The following BTBD9 variants were observed in gnomAD, a reference collection of about 807,000 sequenced individuals.
The protein encoded by BTBD9 is BTB/POZ domain-containing protein 9.
In BTBD9, 49 loss-of-function variants were observed where a neutral mutation model predicts 64.3. The observed-to-expected ratio is 0.76, with a 90% CI of 0.61 to 0.97. The LOEUF (loss-of-function observed/expected upper bound fraction) is 0.97. BTBD9 is among the 50% of genes least tolerant of loss of function. The pLI is 0.00. For synonymous variants in BTBD9, 260 were observed against 274.7 expected, an observed-to-expected ratio of 0.95 and a Z score of 0.53; for missense variants, 598 against 762.1, an observed-to-expected ratio of 0.78 and a Z score of 2.53.
At chr6:38,302,229 CCTCT>C (rs1762430127) in intron 7 of BTBD9, among the ~76,000 whole-genome samples, 2 of 151,974 alleles carry the variant, frequency 1.3e-5, no homozygotes, top group Non-Finnish European at 1.5e-5. Context: ...ACTTATTCCT[CCTCT>C]CTAACTGTAA....
intron 6 of BTBD9, among the ~76,000 whole-genome samples, chr6:38,513,811 A>G (rs1772887140): frequency 6.6e-6 from 1 of 152,170 alleles, no homozygotes; most frequent in South Asian, 2.1e-4. Context: ...TGTGCGTACC[A>G]GTGCAGTGTT....
At chr6:38,303,874 T>TATATATATAAAC in intron 7 of BTBD9, among the ~76,000 whole-genome samples, 1 of 82,648 alleles carries the variant, frequency 1.2e-5, no homozygotes, top group African/African-American at 4.8e-5. Context: ...TATATATATA[T>TATATATATAAAC]ACACACACAC....
intron 10 of BTBD9, among the ~76,000 whole-genome samples, chr6:38,177,164 A>G (rs931674041): frequency 1.3e-5 from 2 of 152,102 alleles, no homozygotes; most frequent in Admixed American, 6.5e-5. Context: ...TGCTCGGTCA[A>G]TATCTCCGGA....
intron 6 of BTBD9, among the ~76,000 whole-genome samples, chr6:38,528,558 A>G (rs1054522495): frequency 6.6e-6 from 1 of 152,148 alleles, no homozygotes; most frequent in Non-Finnish European, 1.5e-5. Context: ...AAGGAAGAGT[A>G]TTTTGTCTTA....
Position 38,496,806 on chromosome 6 carries a change from G to C in BTBD9, c.1154+80794C>G, listed in dbSNP as rs546140019. Among the ~76,000 whole-genome samples the C allele has an allele frequency of 2.0e-5, 3 of 152,290 alleles. No individual in the cohort carries two copies. In the South Asian group the frequency reaches 6.2e-4, roughly 32 times the overall value. On this transcript the variant is annotated intron_variant, in intron 6 of 10. Transcript: ENST00000481247. The stretch of plus-strand genomic sequence containing the variant: ...AAAATGCAAATGAATGAGGCTTCTA[G>C]CTTTTGCCAGCTTGCCAAGTACCCT...
chr6:38,603,757 T>C (rs1777335490), intron 1 of BTBD9, among the ~76,000 whole-genome samples: 1 of 152,200 alleles, frequency 6.6e-6, no homozygotes, highest in Admixed American at 6.5e-5. Context: ...TGAAAAGCCT[T>C]TACGGGAAAA....
chr6:38,432,809 C>A (rs966040416), intron 6 of BTBD9, among the ~76,000 whole-genome samples: 10 of 151,994 alleles, frequency 6.6e-5, no homozygotes, highest in Admixed American at 6.5e-5. Context: ...TTCCCTAGTC[C>A]TGTGCCCACC....
intron 6 of BTBD9, among the ~76,000 whole-genome samples, chr6:38,374,288 T>TATATATATATACAC (rs1280692259): frequency 1.4e-5 from 1 of 69,312 alleles, no homozygotes; most frequent in African/African-American, 1.2e-4. Flanking sequence ...AAAAAGTATA[T>TATATATATATACAC]ATATATATGT....
chr6:38,558,651 G>GT (rs1282488067), intron 6 of BTBD9, among the ~76,000 whole-genome samples: 8 of 152,090 alleles, frequency 5.3e-5, no homozygotes, highest in Non-Finnish European at 1.2e-4. Context: ...TAAGATGATC[G>GT]TATGTTTTAA....
intron 8 of BTBD9, among the ~76,000 whole-genome samples, chr6:38,274,973 T>C (rs1377449258): frequency 6.6e-6 from 1 of 152,216 alleles, no homozygotes; most frequent in African/African-American, 2.4e-5. Context: ...CCAATGACTT[T>C]CTTCACAGAA....
chr6:38,195,009 T>C (rs1182762828), intron 9 of BTBD9, among the ~76,000 whole-genome samples: 1 of 152,210 alleles, frequency 6.6e-6, no homozygotes, highest in African/African-American at 2.4e-5. Context: ...GAGTTGAATA[T>C]ATGATTTCAT....
intron 7 of BTBD9, among the ~76,000 whole-genome samples, chr6:38,343,781 T>C (rs71571312): frequency 0.17 from 26,404 of 152,154 alleles, 2,468 homozygotes; most frequent in African/African-American, 0.23. Context: ...AAACACTCTC[T>C]ATATTGGAAA....
chr6:38,419,875 A>C (rs919789253), intron 6 of BTBD9, among the ~76,000 whole-genome samples: 1 of 152,082 alleles, frequency 6.6e-6, no homozygotes, highest in African/African-American at 2.4e-5. Flanking sequence ...CATCTCAAAC[A>C]AAACAAAAAA....
intron 9 of BTBD9, among the ~76,000 whole-genome samples, chr6:38,213,787 C>G (rs1323793998): frequency 6.6e-6 from 1 of 152,076 alleles, no homozygotes; most frequent in Non-Finnish European, 1.5e-5. Context: ...CGAGACCCTC[C>G]TGGCTAACAT....
chr6:38,205,455 A>C (rs2127495340), intron 9 of BTBD9, among the ~76,000 whole-genome samples: 1 of 152,316 alleles, frequency 6.6e-6, no homozygotes, highest in Non-Finnish European at 1.5e-5. Context: ...TCCCAGACAA[A>C]GTAAATGAAG....
chr6:38,571,835 CT>C (rs1775786568), intron 6 of BTBD9: 1 of 152,214 alleles, frequency 6.6e-6, no homozygotes, highest in Admixed American at 6.5e-5. Context: ...TGACACATGC[CT>C]GTAGTCCCAG....
Position 38,175,087 on chromosome 6 carries a change from G to A in BTBD9, c.1737C>T (p.Ala579=), listed in dbSNP as rs776921569. ...GCGCATGGGAGTCGAGCTGCTGACC[G>A]GCCAGGCTGGTGTCCCCTGTCCCCG... is the stretch of plus-strand genomic sequence containing the variant. ...EESGTGDTSL[A]GQQLDSHALR... Residue 579 remains alanine (A), a synonymous_variant, in exon 11 of 11, where the codon GCC becomes GCT. Coordinates refer to ENST00000481247, the MANE Select transcript of BTBD9 (RefSeq NM_001099272.2). 21 of 1,614,114 alleles carry A rather than the reference G, an allele frequency of 1.3e-5. No individual in the cohort carries two copies. Among genetic ancestry groups the A allele is most frequent in the South Asian group, 5.5e-5 (5 of 91,090 alleles).
chr6:38,367,289 G>T (rs1313723826), intron 6 of BTBD9, among the ~76,000 whole-genome samples: 3 of 152,136 alleles, frequency 2.0e-5, no homozygotes, highest in Non-Finnish European at 4.4e-5. Flanking sequence ...ACACATAAAA[G>T]AATTAAGATT....
At chr6:38,387,417 A>C (rs1766225185) in intron 6 of BTBD9, among the ~76,000 whole-genome samples, 1 of 152,144 alleles carries the variant, frequency 6.6e-6, no homozygotes, top group Non-Finnish European at 1.5e-5. Context: ...CATGCCTGTA[A>C]TCCCAGCTAC....
Sources: gnomAD v4.1 joint callset for allele counts (sites outside exome capture counted in the v4.1 genomes callset) on GRCh38, gnomAD v4.1.1 for gene constraint, MANE v1.5 for transcripts, NCBI Gene and HGNC (gene_info 2026-07-23, HGNC 2026-07-21) for gene names.